The following PRMT2 variants were observed in gnomAD, a reference collection of about 807,000 sequenced individuals.
PRMT2 encodes protein arginine methyltransferase 2, also known as protein arginine N-methyltransferase 2.
In PRMT2, 26 loss-of-function variants were observed where a neutral mutation model predicts 57.6. That is an observed-to-expected ratio of 0.45 (90% CI 0.33 to 0.63). The LOEUF (loss-of-function observed/expected upper bound fraction) is 0.63, where lower values mean the gene tolerates loss of function less well. Ranked by LOEUF, PRMT2 falls within the 20% of genes least tolerant of loss-of-function variation. The probability of loss-of-function intolerance (pLI) is 0.02; values close to 1 mark genes in which losing one functional copy is unlikely to be tolerated. For missense variants in PRMT2, 472 were observed against 564.4 expected (o/e 0.84, Z 1.66); for synonymous variants, 219 against 220.0 (o/e 1.00, Z 0.04).
chr21:46,664,768 A>G lies in PRMT2; in HGVS notation c.*441A>G, dbSNP rs2061678989. ...CTCATCCACTCGTGTGGGACGTAGG[A>G]TTGCACAGGGCTGTGCCAGTGGCGT... On this transcript the variant is annotated 3_prime_UTR_variant, in exon 12 of 12. Transcript: ENST00000355680. 1 of 228,342 alleles carries G rather than the reference A, an allele frequency of 4.4e-6. No individual in the cohort carries two copies. The highest frequency in any genetic ancestry group is 2.2e-5 in the African/African-American group (1 of 45,586). The allele number at this position is 228,342 out of a possible 1,614,324, so 14.1% of individuals were successfully genotyped here. A position where few individuals can be genotyped will look rare whatever the true frequency, so the allele number is the denominator to read the frequency against.
At chr21:46,652,699 A>C (rs1333160014) in intron 7 of PRMT2, 3 of 1,132,934 alleles carry the variant, frequency 2.6e-6, no homozygotes, top group South Asian at 1.9e-5. Context: ...AGAGCATTAA[A>C]ATTTTTTTGT....
chr21:46,659,037 T>C (rs1162623599), intron 8 of PRMT2, 117 bp downstream of exon 8: 15 of 1,459,708 alleles, frequency 1.0e-5, no homozygotes, highest in South Asian at 1.4e-5. Flanking sequence ...AGGGTACCTG[T>C]GCACCCAGAT....
intron 3 of PRMT2, among the ~76,000 whole-genome samples, chr21:46,639,689 AGTGTGTGTGT>A (rs764502507): frequency 6.8e-6 from 1 of 146,330 alleles, no homozygotes; most frequent in African/African-American, 2.5e-5. Flanking sequence ...GCTTACATAA[AGTGTGTGTGT>A]GTGTGTGTTT....
At chr21:46,654,757 T>A in intron 7 of PRMT2, 1 of 219,356 alleles carries the variant, frequency 4.6e-6, no homozygotes, top group Non-Finnish European at 7.7e-6. Context: ...AGGATGTGTG[T>A]AGCCTGTATG....
At position 46,661,668 on chromosome 21, in the gene PRMT2, C is replaced by T. The variant is rs1601956496; in HGVS notation, c.961-132C>T. 9.2e-6 allele frequency: 9 copies of T among 982,350 alleles called. No homozygotes were observed. The East Asian group carries it at 1.6e-4, about 18-fold the overall frequency. The allele number at this position is 982,350 out of a possible 1,614,324, so 60.9% of individuals were successfully genotyped here. On this transcript the variant is annotated intron_variant, in intron 9 of 11. Transcript: ENST00000355680. Reference sequence around the variant, plus strand: ...ATGCGGGTTTTGGGGGTGGTTTCCCCAGGCTGGGGGGCTTTTCTACGGTTC... The same window carrying T: ...ATGCGGGTTTTGGGGGTGGTTTCCCTAGGCTGGGGGGCTTTTCTACGGTTC...
chr21:46,644,221 C>A, intron 4 of PRMT2, 85 bp from the exon 5 acceptor site: 1 of 1,329,164 alleles, frequency 7.5e-7, no homozygotes, highest in Non-Finnish European at 1.0e-6. Flanking sequence ...GTGATTTTGT[C>A]ACCATTGATG....
intron 8 of PRMT2, chr21:46,660,194 T>C: frequency 2.0e-6 from 2 of 977,624 alleles, no homozygotes; most frequent in Middle Eastern, 5.3e-4. Context: ...CTGTGGTAAA[T>C]AATCGGTGAC....
At chr21:46,658,482 C>T (rs1029047550) in intron 7 of PRMT2, 7 of 431,862 alleles carry the variant, frequency 1.6e-5, no homozygotes, top group Non-Finnish European at 2.8e-5. Context: ...GAAGATTTGT[C>T]CTTGCTTTTA....
At chr21:46,659,241 A>G (rs2061585348) in intron 8 of PRMT2, 1 of 1,073,604 alleles carries the variant, frequency 9.3e-7, no homozygotes, top group Non-Finnish European at 1.1e-6. Context: ...CTCTCACGCC[A>G]TACGTGAAAA....
Position 46,649,750 on chromosome 21 carries a change from G to T in PRMT2, c.654+11G>T, listed in dbSNP as rs774040860. 6 of 1,610,920 alleles carry T rather than the reference G, an allele frequency of 3.7e-6. No homozygotes were observed. Among genetic ancestry groups the T allele is most frequent in the Non-Finnish European group, 5.1e-6 (6 of 1,178,676 alleles). On this transcript the variant is annotated intron_variant, in intron 7 of 11. Transcript: ENST00000355680. The surrounding 1 kb of genome is among the most constrained non-coding windows in gnomAD (Gnocchi z 4.8). ...GGGACCTGCCTGCTGGTGAGGGCGGGCGTGCGGGCAGCTGGGGGCCGGAGC... is the reference window on the plus strand; with the variant it reads ...GGGACCTGCCTGCTGGTGAGGGCGGTCGTGCGGGCAGCTGGGGGCCGGAGC...
intron 5 of PRMT2, among the ~76,000 whole-genome samples, chr21:46,647,591 T>C (rs1426390893): frequency 6.6e-6 from 1 of 152,178 alleles, no homozygotes; most frequent in East Asian, 1.9e-4. Flanking sequence ...ATCCTCAAAC[T>C]CCTGGGTTTA....
At chr21:46,641,177 A>G (rs1857750025) in intron 3 of PRMT2, among the ~76,000 whole-genome samples, 1 of 152,050 alleles carries the variant, frequency 6.6e-6, no homozygotes, top group African/African-American at 2.4e-5. Context: ...TCCTGCAGAA[A>G]TAAAATGTCA....
chr21:46,644,870 A>T (rs376085744), intron 5 of PRMT2, among the ~76,000 whole-genome samples: 1 of 152,198 alleles, frequency 6.6e-6, no homozygotes, highest in East Asian at 1.9e-4. Flanking sequence ...TGGCTTAGAG[A>T]TATGATTTGA....
rs74610862 is a variant in PRMT2 at position 46,653,669 on chromosome 21, T to C, written c.654+3930T>C. 2,375 of 1,255,886 alleles carry C rather than the reference T, an allele frequency of 1.9e-3. 32 individuals are homozygous for C. In the African/African-American group the frequency reaches 0.029, roughly 15 times the overall value. 77.8% of individuals were successfully genotyped at this position (1,255,886 alleles called of 1,614,324 possible). On this transcript the variant is annotated intron_variant, in intron 7 of 11. Transcript: ENST00000355680. ...TTTTGGTTGCATTCCCTGGAGCTCA[T>C]GTAGATCATTTTACTTTTCAGAGGT...
chr21:46,640,933 A>T (rs963228947), intron 3 of PRMT2, among the ~76,000 whole-genome samples: 3 of 151,670 alleles, frequency 2.0e-5, no homozygotes, highest in Non-Finnish European at 4.4e-5. Context: ...AAACAAGATA[A>T]CTGGGAAAAC....
intron 4 of PRMT2, among the ~76,000 whole-genome samples, chr21:46,644,070 T>C (rs1005739117): frequency 2.6e-5 from 4 of 152,170 alleles, no homozygotes; most frequent in Non-Finnish European, 4.4e-5. Context: ...TTTGAAAATG[T>C]TTACTCCTTC....
rs531302999 is a variant in PRMT2, at chr21:46,649,612, C to T, written c.527C>T (p.Thr176Met). The T allele has an allele frequency of 5.1e-5, 83 of 1,614,110 alleles. 1 individual carries two copies. In the South Asian group the frequency reaches 8.1e-4, roughly 16 times the overall value. Residue 176 changes from threonine to methionine, a missense_variant, in exon 7 of 12, where the codon ACG becomes ATG. By Grantham distance (81) the Thr-to-Met change is moderately conservative (BLOSUM62 -1). Around this residue, in one of 2 missense-constraint regions of PRMT2, gnomAD observed 243 missense variants for 347.2 expected, o/e 0.70. Coordinates refer to ENST00000355680, the MANE Select transcript of PRMT2 (RefSeq NM_206962.4). This position sits in a 1 kb window ranked among gnomAD's most constrained non-coding sequence, Gnocchi z 4.8. ...GAGGCCAGTGAGATGGCACAGCACA[C>T]GGGGCAGCTGGTCCTGCAGAACGGC... The part of the protein sequence containing the change: ...AVEASEMAQH[T>M]GQLVLQNGFA...
chr21:46,654,258 A>G (rs749510483), intron 7 of PRMT2: 8 of 445,910 alleles, frequency 1.8e-5, no homozygotes, highest in Admixed American at 6.4e-5. Flanking sequence ...ACATATGATC[A>G]TTAAAAATTA....
chr21:46,659,529 TA>T, intron 8 of PRMT2: 1 of 962,860 alleles, frequency 1.0e-6, no homozygotes, highest in Non-Finnish European at 1.2e-6. Context: ...CCGCAAAAAA[TA>T]AATAAAATTA....
Sources: allele counts gnomAD v4.1 joint callset (sites outside exome capture counted in the v4.1 genomes callset), GRCh38; gene constraint gnomAD v4.1.1; regional missense constraint gnomAD v4.1.1; non-coding constraint Gnocchi (gnomAD v3.1); transcripts MANE v1.5; gene names NCBI Gene and HGNC (gene_info 2026-07-23, HGNC 2026-07-21).